The following MIOS variants were observed in gnomAD, a reference collection of about 807,000 sequenced individuals.
MIOS encodes GATOR2 complex protein MIOS.
A neutral mutation model predicts 96.9 loss-of-function variants in MIOS; 52 were observed. That is an observed-to-expected ratio of 0.54 (90% CI 0.43 to 0.68). The LOEUF is 0.68. Ranked by LOEUF, MIOS falls within the 30% of genes least tolerant of loss-of-function variation. The pLI is 0.00. For synonymous variants in MIOS, 397 were observed against 359.5 expected, an observed-to-expected ratio of 1.10 and a Z score of -1.18; for missense variants, 1,005 against 1,052.8, an observed-to-expected ratio of 0.95 and a Z score of 0.63.
At chr7:7,577,815 GGA>G (rs1366660632) in intron 5 of MIOS, among the ~76,000 whole-genome samples, 5 of 152,110 alleles carry the variant, frequency 3.3e-5, no homozygotes, top group Non-Finnish European at 7.3e-5. Flanking sequence ...ATGGAGAAGA[GGA>G]GAGAGAGCTG....
chr7:7,567,494 G>C (rs1783185111), intron 1 of MIOS, 113 bp from the exon 2 acceptor site: 1 of 152,104 alleles, frequency 6.6e-6, no homozygotes, highest in Non-Finnish European at 1.5e-5. Context: ...GGTGAGCTCT[G>C]TTCTCTTCTC....
chr7:7,602,445 G>A (rs1221152920), intron 11 of MIOS, among the ~76,000 whole-genome samples: 3 of 152,096 alleles, frequency 2.0e-5, no homozygotes, highest in African/African-American at 7.2e-5. Context: ...CAAACAGAGA[G>A]CCAAATCATG....
intron 1 of MIOS, chr7:7,567,379 G>A (rs1783179760): frequency 6.6e-6 from 1 of 152,610 alleles, no homozygotes; most frequent in Non-Finnish European, 1.5e-5. Flanking sequence ...CAGGTGCCTG[G>A]AGCGGGAGAG....
chr7:7,592,710 G>C (rs1464624037), intron 9 of MIOS, among the ~76,000 whole-genome samples: 1 of 152,020 alleles, frequency 6.6e-6, no homozygotes, highest in Admixed American at 6.6e-5. Flanking sequence ...TTCACAGTAG[G>C]GTTCACTGTC....
chr7:7,586,130 G>A (rs573607825), intron 7 of MIOS, among the ~76,000 whole-genome samples: 25 of 151,276 alleles, frequency 1.7e-4, no homozygotes, highest in African/African-American at 5.8e-4. Flanking sequence ...AAATATATTC[G>A]CTGTTTACAC....
intron 11 of MIOS, among the ~76,000 whole-genome samples, chr7:7,600,914 C>T (rs182072678): frequency 2.0e-5 from 3 of 152,192 alleles, no homozygotes; most frequent in Non-Finnish European, 4.4e-5. Context: ...TTAAGACATT[C>T]ACTCCAAACC....
chr7:7,588,476 T>A (rs760292611), intron 7 of MIOS, 22 bp from the exon 8 acceptor site: 1 of 1,541,728 alleles, frequency 6.5e-7, no homozygotes, highest in Admixed American at 1.8e-5. Context: ...AAGTAACTCC[T>A]TGCTTTTTCT....
chr7:7,594,052 G>A (rs1784131453), intron 9 of MIOS, among the ~76,000 whole-genome samples: 1 of 152,032 alleles, frequency 6.6e-6, no homozygotes, highest in Admixed American at 6.6e-5. Context: ...CTAAAACAAG[G>A]TGTTGCTTTT....
chr7:7,585,514 T>G (rs1008436771), intron 6 of MIOS, 122 bp from the exon 7 acceptor site: 7 of 792,738 alleles, frequency 8.8e-6, no homozygotes, highest in African/African-American at 1.8e-5. Context: ...AAACCCTTAT[T>G]CTCTGAGCTC....
intron 9 of MIOS, among the ~76,000 whole-genome samples, chr7:7,592,460 G>A (rs1328192572): frequency 2.0e-5 from 3 of 152,250 alleles, no homozygotes; most frequent in East Asian, 3.9e-4. Flanking sequence ...GCACCAGGGG[G>A]TTGGTTTAGG....
rs746669930 is a variant in MIOS at position 7,583,218 on chromosome 7, G to T, written c.1494G>T (p.Gly498=). The change falls in exon 6 of 13, where the codon GGG becomes GGT. Residue 498 remains glycine (G), a synonymous_variant. Coordinates refer to ENST00000340080, the MANE Select transcript of MIOS (RefSeq NM_019005.4). The part of the protein sequence containing the change: ...EERILALQLC[G]WIKKGTDVDV... ...GAATCTTAGCTTTACAGCTTTGTGG[G>T]TGGATAAAGAAAGGAACGGATGTAG... 2 of 1,614,040 alleles carry T rather than the reference G, an allele frequency of 1.2e-6. No individual in the cohort carries two copies. The highest frequency in any genetic ancestry group is 1.7e-6 in the Non-Finnish European group (2 of 1,180,022).
At chr7:7,567,400 A>G (rs1028279319) in intron 1 of MIOS, 10 of 152,382 alleles carry the variant, frequency 6.6e-5, no homozygotes, top group Admixed American at 2.6e-4. Context: ...TCGGACTCAG[A>G]TTCCTGCTTT....
intron 11 of MIOS, among the ~76,000 whole-genome samples, chr7:7,600,913 T>G (rs2115490300): frequency 6.6e-6 from 1 of 152,278 alleles, no homozygotes; most frequent in East Asian, 1.9e-4. Flanking sequence ...ATTAAGACAT[T>G]CACTCCAAAC....
chr7:7,600,484 T>C (rs1051415809), intron 11 of MIOS, among the ~76,000 whole-genome samples: 1 of 152,126 alleles, frequency 6.6e-6, no homozygotes, highest in Non-Finnish European at 1.5e-5. Context: ...CATTACATAA[T>C]GGTAAAGGGA....
At position 7,585,651 on chromosome 7, in the gene MIOS, A is replaced by G. The variant is rs370610296; in HGVS notation, c.1664A>G (p.Asn555Ser). ...ASSEKGDLNL[N>S]VVAMALSGYT... ...TAATATGCAGGAGATCTGAATCTCAATGTGGTAGCAATGGCTTTATCGGGT... is the reference window on the plus strand; with the variant it reads ...TAATATGCAGGAGATCTGAATCTCAGTGTGGTAGCAATGGCTTTATCGGGT... Residue 555 changes from asparagine (N) to serine (S), a missense_variant, in exon 7 of 13, where the codon AAT becomes AGT. This residue lies in a region of MIOS where 865 missense variants were observed against 887.9 expected (regional missense o/e 0.97). Transcript: ENST00000340080. 1.6e-4 allele frequency: 250 copies of G among 1,588,004 alleles called. No homozygotes were observed. The highest frequency in any genetic ancestry group is 2.0e-4 in the Non-Finnish European group (237 of 1,168,734).
chr7:7,595,127 G>C lies in MIOS; in HGVS notation c.2191G>C (p.Ala731Pro), dbSNP rs752251286. ...GTTGGATCCCAGTTCCAAGCCTTTAGCACAAGTAAGTACATTGTTTTGGAG... is the reference window on the plus strand; with the variant it reads ...GTTGGATCCCAGTTCCAAGCCTTTACCACAAGTAAGTACATTGTTTTGGAG... ...SKLDPSSKPL[A>P]QVFVSCNFCG... The change falls in exon 10 of 13, where the codon GCA becomes CCA. Residue 731 changes from alanine to proline, a missense_variant. By Grantham distance (27) the Ala-to-Pro change is conservative. Coordinates refer to ENST00000340080, the MANE Select transcript of MIOS (RefSeq NM_019005.4). 145 of 1,610,584 alleles carry C rather than the reference G, an allele frequency of 9.0e-5. No homozygotes were observed. The highest frequency in any genetic ancestry group is 1.2e-4 in the Non-Finnish European group (142 of 1,179,098).
At chr7:7,574,659 G>A (rs1191588389) in intron 5 of MIOS, among the ~76,000 whole-genome samples, 2 of 152,072 alleles carry the variant, frequency 1.3e-5, no homozygotes, top group Admixed American at 6.6e-5. Flanking sequence ...ATGGCCTAAC[G>A]TGGAGGAATT....
intron 7 of MIOS, 47 bp downstream of exon 7, chr7:7,585,852 G>A (rs932349083): frequency 2.1e-6 from 3 of 1,453,110 alleles, no homozygotes; most frequent in Non-Finnish European, 9.3e-7. Flanking sequence ...TAAGATAGGA[G>A]TTTTTATCTA....
chr7:7,583,921 G>A (rs1783806572), intron 6 of MIOS, among the ~76,000 whole-genome samples: 2 of 152,096 alleles, frequency 1.3e-5, no homozygotes. Flanking sequence ...AAAAGAAAGA[G>A]ATAAGGTTTT....
Sources: allele counts gnomAD v4.1 joint callset (sites outside exome capture counted in the v4.1 genomes callset), GRCh38; gene constraint gnomAD v4.1.1; regional missense constraint gnomAD v4.1.1; transcripts MANE v1.5; gene names NCBI Gene and HGNC (gene_info 2026-07-23, HGNC 2026-07-21).